Variants in RAB38 observed in about 807,000 individuals in gnomAD.
The protein encoded by RAB38 is ras-related protein Rab-38.
RAB38 carries 15 observed loss-of-function variants against 18.4 expected under a neutral mutation model. The ratio of observed to expected loss-of-function variants is 0.82; its 90% CI spans 0.55 to 1.26. The LOEUF is 1.26. Among genes scored for constraint, RAB38 ranks in the 50% most tolerant of loss-of-function variants. The pLI, the probability that RAB38 is intolerant of heterozygous loss-of-function variation, is 0.00. For synonymous variants in RAB38, 101 were observed against 104.4 expected, an observed-to-expected ratio of 0.97 and a Z score of 0.20; for missense variants, 294 against 267.4, an observed-to-expected ratio of 1.10 and a Z score of -0.69.
the RAB38 span, among the ~76,000 whole-genome samples, chr11:87,906,838 A>G: frequency 6.6e-6 from 1 of 151,864 alleles, no homozygotes; most frequent in Non-Finnish European, 1.5e-5. Flanking sequence ...TCACCCATTG[A>G]TATATCTTCA....
intron 2 of RAB38, among the ~76,000 whole-genome samples, chr11:88,139,201 T>A (rs552150000): frequency 1.3e-5 from 2 of 152,304 alleles, no homozygotes; most frequent in African/African-American, 4.8e-5. Context: ...AGAAAAATGA[T>A]GAGAAGCTTG....
the RAB38 span, among the ~76,000 whole-genome samples, chr11:88,032,561 G>T: frequency 2.6e-5 from 4 of 152,294 alleles, no homozygotes; most frequent in East Asian, 7.7e-4. Flanking sequence ...CAAAAAGTGG[G>T]CGAAGGAAAT....
the RAB38 span, among the ~76,000 whole-genome samples, chr11:87,830,982 T>C: frequency 1.3e-5 from 2 of 151,984 alleles, no homozygotes; most frequent in African/African-American, 4.8e-5. Context: ...TATGTACATA[T>C]TTTTGATAGA....
At chr11:87,920,804 T>G in the RAB38 span, among the ~76,000 whole-genome samples, 4 of 152,228 alleles carry the variant, frequency 2.6e-5, no homozygotes, top group Non-Finnish European at 5.9e-5. Flanking sequence ...TTGCTTTTTA[T>G]ATTTTGGTAC....
chr11:88,059,062 C>G, the RAB38 span, among the ~76,000 whole-genome samples: 1 of 152,210 alleles, frequency 6.6e-6, no homozygotes, highest in Non-Finnish European at 1.5e-5. Flanking sequence ...ACCTTAACTA[C>G]TATTAATTCT....
the RAB38 span, among the ~76,000 whole-genome samples, chr11:88,003,839 T>TA: frequency 9.9e-3 from 24 of 2,420 alleles, no homozygotes; most frequent in South Asian, 0.031. Flanking sequence ...GTATAATATA[T>TA]ATTTATATAT....
chr11:87,958,223 G>A, the RAB38 span, among the ~76,000 whole-genome samples: 3 of 152,160 alleles, frequency 2.0e-5, no homozygotes. Flanking sequence ...CCCGGCTGTA[G>A]GCCAATGTAA....
chr11:88,141,991 A>G (rs1035641843), intron 2 of RAB38, among the ~76,000 whole-genome samples: 1 of 152,182 alleles, frequency 6.6e-6, no homozygotes, highest in Non-Finnish European at 1.5e-5. Context: ...CAGCTCATAT[A>G]GTACAGTTCA....
At chr11:88,057,946 C>T in the RAB38 span, among the ~76,000 whole-genome samples, 4 of 152,108 alleles carry the variant, frequency 2.6e-5, no homozygotes, top group African/African-American at 9.7e-5. Flanking sequence ...AAAAAAATTG[C>T]TTGGAAAATC....
chr11:87,959,278 C>A, the RAB38 span, among the ~76,000 whole-genome samples: 5 of 152,054 alleles, frequency 3.3e-5, no homozygotes, highest in Admixed American at 3.3e-4. Context: ...TTGGAGGTAG[C>A]CTAAACCCTC....
chr11:88,158,671 T>C (rs1049641731), intron 1 of RAB38, among the ~76,000 whole-genome samples: 1 of 152,130 alleles, frequency 6.6e-6, no homozygotes, highest in African/African-American at 2.4e-5. Context: ...AAAAACCATA[T>C]GATCACCTCA....
At chr11:88,057,565 T>C in the RAB38 span, among the ~76,000 whole-genome samples, 1 of 150,582 alleles carries the variant, frequency 6.6e-6, no homozygotes, top group South Asian at 2.1e-4. Context: ...GTTCAATAAA[T>C]GTTGTTTCCT....
At chr11:88,069,641 G>A in the RAB38 span, among the ~76,000 whole-genome samples, 1 of 152,128 alleles carries the variant, frequency 6.6e-6, no homozygotes, top group Admixed American at 6.5e-5. Context: ...AATCTGGTGG[G>A]GACTTGGAGA....
intron 2 of RAB38, among the ~76,000 whole-genome samples, chr11:88,141,843 TAC>T (rs1340234157): frequency 6.6e-6 from 1 of 152,232 alleles, no homozygotes; most frequent in Non-Finnish European, 1.5e-5. Context: ...TTGGAAATTC[TAC>T]AGATTTTACA....
chr11:87,891,552 C>CGAGT, the RAB38 span, among the ~76,000 whole-genome samples: 4 of 151,658 alleles, frequency 2.6e-5, no homozygotes, highest in Non-Finnish European at 4.4e-5. Context: ...TCTAAAGAAC[C>CGAGT]GAGTTTCTGG....
the RAB38 span, among the ~76,000 whole-genome samples, chr11:88,047,260 TATTCCTG>T: frequency 6.6e-6 from 1 of 152,166 alleles, no homozygotes; most frequent in Non-Finnish European, 1.5e-5. Context: ...CCTCCCACAT[TATTCCTG>T]ATACCACACC....
the RAB38 span, among the ~76,000 whole-genome samples, chr11:87,884,254 G>A: frequency 4.6e-5 from 7 of 151,928 alleles, no homozygotes; most frequent in South Asian, 2.1e-4. Flanking sequence ...GCTTCTGCTC[G>A]TAAGAGTGGG....
At chr11:87,869,391 T>C in the RAB38 span, among the ~76,000 whole-genome samples, 11 of 151,648 alleles carry the variant, frequency 7.3e-5, no homozygotes, top group African/African-American at 2.7e-4. Context: ...AGTTTCTTGG[T>C]CAGTATTCCT....
chr11:88,028,982 A>T, the RAB38 span, among the ~76,000 whole-genome samples: 2 of 152,180 alleles, frequency 1.3e-5, no homozygotes, highest in African/African-American at 4.8e-5. Context: ...CCAGAGAGAA[A>T]GGTCGGGTTA....
Sources: allele counts gnomAD v4.1 joint callset (sites outside exome capture counted in the v4.1 genomes callset), GRCh38; gene constraint gnomAD v4.1.1; transcripts MANE v1.5; gene names NCBI Gene and HGNC (gene_info 2026-07-23, HGNC 2026-07-21).